Variants in PDE10A observed in about 807,000 individuals in gnomAD.
PDE10A encodes cAMP and cAMP-inhibited cGMP 3',5'-cyclic phosphodiesterase 10A.
Under a neutral mutation model 97.7 loss-of-function variants are expected in PDE10A, and 39 were observed. The ratio of observed to expected loss-of-function variants is 0.40; its 90% CI spans 0.31 to 0.52. PDE10A has a LOEUF of 0.52. Ranked by LOEUF, PDE10A falls within the 20% of genes least tolerant of loss-of-function variation. The pLI, the probability that PDE10A is intolerant of heterozygous loss-of-function variation, is 0.56. For synonymous variants in PDE10A, 371 were observed against 376.8 expected (o/e 0.98, Z 0.18); for missense variants, 731 against 1,047.8 (o/e 0.70, Z 4.17).
At chr6:165,894,981 A>T (rs1001460389) in intron 1 of PDE10A, among the ~76,000 whole-genome samples, 4 of 152,148 alleles carry the variant, frequency 2.6e-5, no homozygotes, top group African/African-American at 9.7e-5. Context: ...CATCTTCAAA[A>T]GCTTTTTAGG....
At chr6:165,728,770 C>T (rs1274120926) in intron 1 of PDE10A, among the ~76,000 whole-genome samples, 1 of 152,142 alleles carries the variant, frequency 6.6e-6, no homozygotes, top group East Asian at 1.9e-4. Flanking sequence ...ACACAGGCAC[C>T]TGCAAATACA....
At chr6:165,350,909 G>A (rs1242028944) in intron 18 of PDE10A, among the ~76,000 whole-genome samples, 4 of 152,122 alleles carry the variant, frequency 2.6e-5, no homozygotes, top group African/African-American at 9.7e-5. Context: ...CCCTAGCCAT[G>A]CTAAACTGTG....
At chr6:165,396,216 T>C (rs1786144552) in intron 14 of PDE10A, 101 bp downstream of exon 14, 1 of 1,021,212 alleles carries the variant, frequency 9.8e-7, no homozygotes, top group Non-Finnish European at 1.4e-6. Flanking sequence ...ACATGTAATA[T>C]GTGTATAATA....
chr6:165,542,026 A>T (rs1783469842), intron 2 of PDE10A, among the ~76,000 whole-genome samples: 1 of 152,196 alleles, frequency 6.6e-6, no homozygotes, highest in African/African-American at 2.4e-5. Context: ...ACAATTATAC[A>T]TTTTTATTCA....
At chr6:165,477,824 C>T (rs1779379368) in intron 3 of PDE10A, among the ~76,000 whole-genome samples, 1 of 152,188 alleles carries the variant, frequency 6.6e-6, no homozygotes, top group Non-Finnish European at 1.5e-5. Flanking sequence ...AAGGTACAGT[C>T]CTGCAGCTAA....
intron 1 of PDE10A, among the ~76,000 whole-genome samples, chr6:165,983,068 G>GACAC (rs10623514): frequency 0.68 from 102,018 of 150,980 alleles, 34,691 homozygotes; most frequent in East Asian, 0.87. Context: ...ACAATTTTAC[G>GACAC]ACACACACAC....
Position 165,396,309 on chromosome 6 carries a change from A to G in PDE10A, c.2219+8T>C, listed in dbSNP as rs1786155375. The G allele has an allele frequency of 1.9e-6, 3 of 1,611,166 alleles. No individual in the cohort carries two copies. The highest frequency in any genetic ancestry group is 3.4e-5 in the Admixed American group (2 of 59,592). ...TTCCTGAAGAAACTGACAGAGCAAC[A>G]TACTTACAATTCAATTTCTTTGCAG... is the stretch of plus-strand genomic sequence containing the variant. On this transcript the variant is annotated splice_region_variant and intron_variant, in intron 14 of 21. Coordinates refer to ENST00000539869, the MANE Select transcript of PDE10A (RefSeq NM_001385079.1).
At chr6:165,347,092 A>C (rs1782362404) in intron 18 of PDE10A, among the ~76,000 whole-genome samples, 1 of 151,866 alleles carries the variant, frequency 6.6e-6, no homozygotes, top group South Asian at 2.1e-4. Flanking sequence ...TATCACCTTA[A>C]TGCTTTTTTT....
intron 1 of PDE10A, among the ~76,000 whole-genome samples, chr6:165,627,744 A>G (rs1788452307): frequency 6.6e-6 from 1 of 152,244 alleles, no homozygotes; most frequent in African/African-American, 2.4e-5. Context: ...TTAAGGTGTT[A>G]AATGGCATAT....
At chr6:165,358,500 T>C (rs957935179) in intron 18 of PDE10A, among the ~76,000 whole-genome samples, 6 of 135,440 alleles carry the variant, frequency 4.4e-5, no homozygotes, top group Non-Finnish European at 1.6e-5. Flanking sequence ...AATTTTAATA[T>C]AGGTACACCA....
At chr6:165,987,872 C>T in exon 1 of PDE10A, 1 of 378,320 alleles carries the variant, frequency 2.6e-6, no homozygotes, top group South Asian at 2.0e-5. Flanking sequence ...CACCCAGCGC[C>T]TTGGGCGCCC....
At chr6:165,921,830 T>C (rs985190763) in intron 1 of PDE10A, among the ~76,000 whole-genome samples, 1 of 152,182 alleles carries the variant, frequency 6.6e-6, no homozygotes, top group Non-Finnish European at 1.5e-5. Context: ...TGAAAGAGAC[T>C]GGCTTTCCCT....
At chr6:165,890,712 G>T (rs1210746883) in intron 1 of PDE10A, among the ~76,000 whole-genome samples, 1 of 152,162 alleles carries the variant, frequency 6.6e-6, no homozygotes, top group Admixed American at 6.5e-5. Context: ...ACAGGCTCCC[G>T]GTGAGAGGGT....
intron 1 of PDE10A, among the ~76,000 whole-genome samples, chr6:165,881,336 A>C (rs986087605): frequency 2.0e-5 from 3 of 151,954 alleles, no homozygotes; most frequent in African/African-American, 7.3e-5. Flanking sequence ...ACATCTTTAC[A>C]AGTAGTTTTC....
intron 18 of PDE10A, among the ~76,000 whole-genome samples, chr6:165,347,860 A>T (rs1435649966): frequency 6.6e-6 from 1 of 152,246 alleles, no homozygotes; most frequent in East Asian, 1.9e-4. Flanking sequence ...TATAAAAAAC[A>T]GGTAACACAT....
chr6:165,504,103 A>G (rs1038572984), intron 2 of PDE10A, among the ~76,000 whole-genome samples: 2 of 152,206 alleles, frequency 1.3e-5, no homozygotes, highest in Admixed American at 6.5e-5. Context: ...GTGAAAATCC[A>G]TAAAACTGAT....
At chr6:165,885,129 A>C (rs995314175) in intron 1 of PDE10A, among the ~76,000 whole-genome samples, 2 of 152,226 alleles carry the variant, frequency 1.3e-5, no homozygotes, top group Admixed American at 6.5e-5. Flanking sequence ...AGACTCACAA[A>C]GATTCCAGAT....
intron 1 of PDE10A, among the ~76,000 whole-genome samples, chr6:165,841,452 C>T (rs956865295): frequency 3.4e-4 from 52 of 152,266 alleles, no homozygotes; most frequent in Admixed American, 3.4e-3. Flanking sequence ...CATGCAGCCG[C>T]CTCCTTCGCT....
rs1290433199 is a variant in PDE10A, at chr6:165,770,188, T to A, written c.-615+217341A>T. ...CAAAAAAAAAAAAAAAGGAGTTAGGTCTTCTCAGGACTACATATGAGTTCC... is the reference window on the plus strand; with the variant it reads ...CAAAAAAAAAAAAAAAGGAGTTAGGACTTCTCAGGACTACATATGAGTTCC... On this transcript the variant is annotated intron_variant, in intron 1 of 19. Transcript: ENST00000366882. Among the ~76,000 whole-genome samples the A allele has an allele frequency of 4.2e-5, 6 of 143,134 alleles. No homozygotes were observed. In the Admixed American group the frequency reaches 4.2e-4, roughly 10 times the overall value. 93.9% of individuals were successfully genotyped at this position (143,134 alleles called of 152,430 possible).
Sources: gnomAD v4.1 joint callset for allele counts (sites outside exome capture counted in the v4.1 genomes callset) on GRCh38, gnomAD v4.1.1 for gene constraint, MANE v1.5 for transcripts, NCBI Gene and HGNC (gene_info 2026-07-23, HGNC 2026-07-21) for gene names.